SCRN1: variants seen among roughly 807,000 people sequenced by gnomAD.
SCRN1 encodes secernin-1.
In SCRN1, 19 loss-of-function variants were observed where a neutral mutation model predicts 43.3. That is an observed-to-expected ratio of 0.44 (90% CI 0.31 to 0.64). The LOEUF (loss-of-function observed/expected upper bound fraction) is 0.64. Ranked by LOEUF, SCRN1 falls within the 30% of genes least tolerant of loss-of-function variation. SCRN1 has a pLI of 0.09. For missense variants in SCRN1, 447 were observed against 524.1 expected (o/e 0.85, Z 1.44); for synonymous variants, 183 against 188.9 (o/e 0.97, Z 0.26).
chr7:29,927,454 A>C (rs1787006068), intron 6 of SCRN1, among the ~76,000 whole-genome samples: 1 of 147,652 alleles, frequency 6.8e-6, no homozygotes, highest in East Asian at 2.1e-4. Flanking sequence ...CACTATGGCC[A>C]ACTGTAACGC....
intron 1 of SCRN1, 99 bp from the exon 2 acceptor site, chr7:29,969,167 T>C: frequency 7.1e-7 from 1 of 1,400,644 alleles, no homozygotes; most frequent in Non-Finnish European, 9.8e-7. Context: ...AGGGTTTTAC[T>C]ATTGAACTGT....
chr7:29,989,672 C>G lies in SCRN1; in HGVS notation c.-32G>C. The G allele has an allele frequency of 1.0e-6, 1 of 985,674 alleles. No homozygotes were observed. The highest frequency in any genetic ancestry group is 1.2e-6 in the Non-Finnish European group (1 of 830,172). The allele number at this position is 985,674 out of a possible 1,614,324, so 61.1% of individuals were successfully genotyped here. ...GCGGCGGGCTCCGGGCTCCGCTCTCCGCTCTGCGGTGCTGAGGCTGCGGCC... is the reference window on the plus strand; with the variant it reads ...GCGGCGGGCTCCGGGCTCCGCTCTCGGCTCTGCGGTGCTGAGGCTGCGGCC... On this transcript the variant is annotated 5_prime_UTR_variant, in exon 1 of 8. Coordinates refer to ENST00000242059, the MANE Select transcript of SCRN1 (RefSeq NM_014766.5).
At chr7:29,943,866 A>G in intron 4 of SCRN1, 111 bp downstream of exon 4, 1 of 979,038 alleles carries the variant, frequency 1.0e-6, no homozygotes. Flanking sequence ...CCACACAGAG[A>G]GGACCTGCAA....
intron 3 of SCRN1, among the ~76,000 whole-genome samples, chr7:29,954,589 T>C (rs539043139): frequency 9.8e-5 from 15 of 152,332 alleles, no homozygotes; most frequent in South Asian, 4.1e-4. Context: ...TTCATATAAA[T>C]AGAATCACAA....
At chr7:29,946,824 C>T (rs180982032) in intron 3 of SCRN1, among the ~76,000 whole-genome samples, 31 of 152,302 alleles carry the variant, frequency 2.0e-4, no homozygotes, top group Admixed American at 1.2e-3. Context: ...GTACATGGGC[C>T]GTGAATAACA....
At chr7:29,960,983 C>A (rs953381195) in intron 2 of SCRN1, among the ~76,000 whole-genome samples, 5 of 151,096 alleles carry the variant, frequency 3.3e-5, no homozygotes, top group Non-Finnish European at 7.4e-5. Flanking sequence ...ATGTTCCAAT[C>A]GCAAACTGCA....
At position 29,944,111 on chromosome 7, in the gene SCRN1, T is replaced by C; in HGVS notation, c.410A>G (p.His137Arg). The C allele has an allele frequency of 5.6e-6, 9 of 1,614,248 alleles. No individual in the cohort carries two copies. The highest frequency in any genetic ancestry group is 7.6e-6 in the Non-Finnish European group (9 of 1,180,040). Residue 137 changes from histidine to arginine, a missense_variant, in exon 4 of 8, where the codon CAT becomes CGT. His to Arg is a conservative substitution (Grantham distance 29, BLOSUM62 0). Transcript: ENST00000242059. ...LDVIVSLLEEHGQGGNYFEDA... is the reference protein window; with the variant it reads ...LDVIVSLLEERGQGGNYFEDA... The stretch of plus-strand genomic sequence containing the variant: ...TTCAAAGTAATTCCCACCTTGTCCA[T>C]GTTCTTCCAACAAGGAGACAATGAC...
chr7:29,931,578 T>C (rs1449681211), intron 6 of SCRN1, among the ~76,000 whole-genome samples: 2 of 152,234 alleles, frequency 1.3e-5, no homozygotes, highest in African/African-American at 2.4e-5. Flanking sequence ...CACCTTATAC[T>C]GCTGCAGAAA....
intron 6 of SCRN1, 86 bp downstream of exon 6, chr7:29,936,470 T>A (rs577425084): frequency 4.9e-6 from 6 of 1,233,872 alleles, no homozygotes; most frequent in Admixed American, 2.4e-5. Context: ...GGGGAGGACA[T>A]GGTCAGGCGC....
intron 2 of SCRN1, among the ~76,000 whole-genome samples, chr7:29,966,203 G>GAGAGAGA: frequency 1.4e-5 from 2 of 147,644 alleles, no homozygotes; most frequent in Non-Finnish European, 3.0e-5. Context: ...GAGAGAGAGA[G>GAGAGAGA]AAGCTGTATC....
At chr7:29,948,853 C>G (rs1191428238) in intron 3 of SCRN1, among the ~76,000 whole-genome samples, 1 of 152,166 alleles carries the variant, frequency 6.6e-6, no homozygotes, top group Non-Finnish European at 1.5e-5. Context: ...GGAGTATTTA[C>G]ACCATGGAAA....
At chr7:29,927,108 G>C (rs1583646966) in intron 6 of SCRN1, among the ~76,000 whole-genome samples, 1 of 151,808 alleles carries the variant, frequency 6.6e-6, no homozygotes, top group South Asian at 2.1e-4. Context: ...AAAATCTATG[G>C]AATATCTCTG....
chr7:29,982,867 T>G (rs56278213), intron 1 of SCRN1, among the ~76,000 whole-genome samples: 3,289 of 150,508 alleles, frequency 0.022, 49 homozygotes, highest in East Asian at 0.041. Flanking sequence ...TTGAGACGGA[T>G]TCTCGCCCTG....
intron 3 of SCRN1, among the ~76,000 whole-genome samples, chr7:29,946,008 C>T (rs1159588986): frequency 1.3e-5 from 2 of 152,052 alleles, no homozygotes; most frequent in Admixed American, 6.6e-5. Flanking sequence ...CACTGTGCTG[C>T]CAGGGAGAAG....
intron 6 of SCRN1, 105 bp from the exon 7 acceptor site, chr7:29,926,737 G>A: frequency 1.1e-6 from 1 of 923,226 alleles, no homozygotes; most frequent in Non-Finnish European, 1.6e-6. Context: ...AACTTATGGT[G>A]GGTGGTGGGT....
At chr7:29,975,688 C>T (rs926236760) in intron 1 of SCRN1, among the ~76,000 whole-genome samples, 1 of 152,138 alleles carries the variant, frequency 6.6e-6, no homozygotes, top group Non-Finnish European at 1.5e-5. Flanking sequence ...AAGGAAAAAA[C>T]TTAAAAGCAA....
At chr7:29,987,531 G>GT (rs1789199879) in intron 1 of SCRN1, among the ~76,000 whole-genome samples, 1 of 152,158 alleles carries the variant, frequency 6.6e-6, no homozygotes, top group Non-Finnish European at 1.5e-5. Context: ...CTAAAATAAT[G>GT]TTTTTGGTTC....
In SCRN1 at chr7:29,929,184, G is replaced by A. The variant is rs934048936; in HGVS notation, c.906-2552C>T. 3.8e-4 allele frequency among the ~76,000 whole-genome samples: 58 copies of A among 152,164 alleles called. 1 individual carries two copies. The highest frequency in any genetic ancestry group is 8.8e-5 in the Non-Finnish European group (6 of 68,020). On this transcript the variant is annotated intron_variant, in intron 6 of 7. Transcript: ENST00000242059. ...AAACCCTTCAGTGGTAGACAGGCCC[G>A]GGGCTCCCACCCAGCAGCCCAGAGT...
chr7:29,982,875 C>T (rs1023358609), intron 1 of SCRN1, among the ~76,000 whole-genome samples: 1 of 151,702 alleles, frequency 6.6e-6, no homozygotes, highest in Non-Finnish European at 1.5e-5. Context: ...GATTCTCGCC[C>T]TGTTGCCCAG....
Sources: gnomAD v4.1 joint callset for allele counts (sites outside exome capture counted in the v4.1 genomes callset) on GRCh38, gnomAD v4.1.1 for gene constraint, MANE v1.5 for transcripts, NCBI Gene and HGNC (gene_info 2026-07-23, HGNC 2026-07-21) for gene names.